The following NTRK3 variants were observed in gnomAD, a reference collection of about 807,000 sequenced individuals.
The protein encoded by NTRK3 is neurotrophic receptor tyrosine kinase 3.
In NTRK3, 24 loss-of-function variants were observed where a neutral mutation model predicts 91.7. The observed-to-expected ratio is 0.26, with a 90% CI of 0.19 to 0.37. The LOEUF is 0.37. Among genes scored for constraint, NTRK3 ranks in the 10% least tolerant of loss-of-function variants. The probability of loss-of-function intolerance (pLI) is 1.00; values close to 1 mark genes in which losing one functional copy is unlikely to be tolerated. For synonymous variants in NTRK3, 483 were observed against 404.0 expected (o/e 1.20, Z -2.34); for missense variants, 880 against 1,068.9 (o/e 0.82, Z 2.46).
At chr15:88,026,009 C>T (rs1053605772) in intron 14 of NTRK3, among the ~76,000 whole-genome samples, 4 of 152,228 alleles carry the variant, frequency 2.6e-5, no homozygotes, top group Admixed American at 6.5e-5. Flanking sequence ...CGGTGGCTCA[C>T]GCCTGTAATC....
chr15:88,031,422 G>A (rs988076022), intron 14 of NTRK3, among the ~76,000 whole-genome samples: 42 of 152,320 alleles, frequency 2.8e-4, no homozygotes, highest in African/African-American at 1.0e-3. Flanking sequence ...CTTCCTCCCA[G>A]TCCTACCCAG....
intron 14 of NTRK3, among the ~76,000 whole-genome samples, chr15:88,001,010 C>G (rs1329403452): frequency 6.6e-6 from 1 of 152,128 alleles, no homozygotes; most frequent in African/African-American, 2.4e-5. Flanking sequence ...CTCACCAATA[C>G]TTTTTACTGT....
intron 13 of NTRK3, among the ~76,000 whole-genome samples, chr15:88,038,282 C>A (rs1311721130): frequency 6.6e-6 from 1 of 152,210 alleles, no homozygotes; most frequent in African/African-American, 2.4e-5. Flanking sequence ...AAGAGCATCG[C>A]ACCATCAGAC....
intron 13 of NTRK3, among the ~76,000 whole-genome samples, chr15:88,056,427 G>A (rs575220213): frequency 6.6e-6 from 1 of 152,024 alleles, no homozygotes; most frequent in East Asian, 1.9e-4. Flanking sequence ...AGAAAATTAA[G>A]TACAGTAAAT....
At chr15:87,979,718 C>T (rs1352328995) in intron 14 of NTRK3, among the ~76,000 whole-genome samples, 1 of 152,050 alleles carries the variant, frequency 6.6e-6, no homozygotes, top group Non-Finnish European at 1.5e-5. Context: ...GGGGGCTTGG[C>T]CTTGGATTGT....
chr15:87,909,917 C>A (rs1479125438), intron 17 of NTRK3, among the ~76,000 whole-genome samples: 2 of 152,184 alleles, frequency 1.3e-5, no homozygotes, highest in Non-Finnish European at 2.9e-5. Context: ...AACTTCCAGC[C>A]TCCAGAGCAG....
intron 14 of NTRK3, among the ~76,000 whole-genome samples, chr15:87,957,410 G>C (rs73456375): frequency 0.021 from 3,201 of 152,288 alleles, 116 homozygotes; most frequent in African/African-American, 0.073. Flanking sequence ...TTCATTAAGA[G>C]ATTGGGCTGG....
intron 3 of NTRK3, among the ~76,000 whole-genome samples, chr15:88,196,690 T>G (rs1335394176): frequency 6.6e-6 from 1 of 152,210 alleles, no homozygotes; most frequent in Non-Finnish European, 1.5e-5. Context: ...TCTCCCTTAC[T>G]TCATCATTGC....
At chr15:87,980,737 G>A (rs1448893413) in intron 14 of NTRK3, among the ~76,000 whole-genome samples, 1 of 152,182 alleles carries the variant, frequency 6.6e-6, no homozygotes, top group Non-Finnish European at 1.5e-5. Context: ...AAACAGTATT[G>A]AGTCATTTGG....
intron 3 of NTRK3, among the ~76,000 whole-genome samples, chr15:88,217,924 A>T (rs1262274579): frequency 1.3e-5 from 2 of 151,876 alleles, no homozygotes; most frequent in African/African-American, 4.8e-5. Flanking sequence ...GCGTCCGGTT[A>T]ATTTTTTTTG....
chr15:88,092,452 T>A lies in NTRK3; in HGVS notation c.1396+33819A>T, dbSNP rs553437340. 2.5e-4 allele frequency among the ~76,000 whole-genome samples: 38 copies of A among 152,258 alleles called. No individual in the cohort carries two copies. In the South Asian group the frequency reaches 7.9e-3, roughly 32 times the overall value. On this transcript the variant is annotated intron_variant, in intron 13 of 18. Coordinates refer to ENST00000394480, the Ensembl canonical transcript of NTRK3. ...GACCAGAGCTTGGTTAAATCTCTGG[T>A]AGGTTGCATTCCCACCCCCTGGCAT...
intron 17 of NTRK3, among the ~76,000 whole-genome samples, chr15:87,897,090 C>T (rs529180805): frequency 6.6e-6 from 1 of 152,090 alleles, no homozygotes; most frequent in Non-Finnish European, 1.5e-5. Context: ...GAGCCTCTAG[C>T]CCCAGGATTA....
intron 14 of NTRK3, among the ~76,000 whole-genome samples, chr15:87,957,705 G>C (rs1026323816): frequency 1.6e-4 from 24 of 152,218 alleles, no homozygotes; most frequent in Non-Finnish European, 3.4e-4. Context: ...ACAGAAGTGA[G>C]AAATAAGTCT....
intron 17 of NTRK3, among the ~76,000 whole-genome samples, chr15:87,883,099 A>G (rs2065340740): frequency 7.4e-6 from 1 of 135,394 alleles, no homozygotes; most frequent in African/African-American, 2.5e-5. Context: ...ATATATGCAT[A>G]TATGTGCATA....
intron 3 of NTRK3, among the ~76,000 whole-genome samples, chr15:88,191,854 G>A (rs1450695067): frequency 3.9e-5 from 6 of 152,216 alleles, no homozygotes; most frequent in Non-Finnish European, 7.4e-5. Flanking sequence ...AAGTCACCTG[G>A]CTCTCCCTCC....
intron 3 of NTRK3, among the ~76,000 whole-genome samples, chr15:88,196,163 T>A (rs1293456412): frequency 6.6e-6 from 1 of 152,182 alleles, no homozygotes; most frequent in Non-Finnish European, 1.5e-5. Flanking sequence ...GAAAAGTCGC[T>A]CCAAAGCTTG....
chr15:88,071,544 G>A (rs1006423986), intron 13 of NTRK3, among the ~76,000 whole-genome samples: 29 of 152,224 alleles, frequency 1.9e-4, no homozygotes, highest in Non-Finnish European at 3.8e-4. Context: ...TAAGGAAAAA[G>A]GAACAGATAT....
intron 14 of NTRK3, among the ~76,000 whole-genome samples, chr15:87,974,900 A>G (rs2073588935): frequency 6.6e-6 from 1 of 152,114 alleles, no homozygotes; most frequent in Non-Finnish European, 1.5e-5. Context: ...GGGAGCACCT[A>G]GGTGGTGTTT....
chr15:87,925,135 G>GT (rs1191765518), intron 17 of NTRK3, among the ~76,000 whole-genome samples: 1 of 152,164 alleles, frequency 6.6e-6, no homozygotes, highest in Non-Finnish European at 1.5e-5. Context: ...GAAGCATTGA[G>GT]TCAGTGATTC....
Sources: gnomAD v4.1 joint callset for allele counts (sites outside exome capture counted in the v4.1 genomes callset) on GRCh38, gnomAD v4.1.1 for gene constraint, MANE v1.5 for transcripts, NCBI Gene and HGNC (gene_info 2026-07-23, HGNC 2026-07-21) for gene names.